JDP2: variants seen among roughly 807,000 people sequenced by gnomAD.
JDP2 encodes progesterone receptor co-activator.
Under a neutral mutation model 17.1 loss-of-function variants are expected in JDP2, and 9 were observed. The observed-to-expected ratio is 0.53, with a 90% CI of 0.32 to 0.92. The LOEUF is 0.92. JDP2 is among the 40% of genes least tolerant of loss of function. The pLI is 0.04. For synonymous variants in JDP2, 107 were observed against 95.6 expected (o/e 1.12, Z -0.69); for missense variants, 179 against 220.0 (o/e 0.81, Z 1.18).
At chr14:75,450,894 A>AG (rs1252293389) in intron 2 of JDP2, among the ~76,000 whole-genome samples, 1 of 152,216 alleles carries the variant, frequency 6.6e-6, no homozygotes, top group Non-Finnish European at 1.5e-5. Context: ...CTCAGAGCAG[A>AG]GGGACACCTC....
chr14:75,459,020 A>G (rs953660094), intron 2 of JDP2, among the ~76,000 whole-genome samples: 2 of 152,236 alleles, frequency 1.3e-5, no homozygotes, highest in Non-Finnish European at 1.5e-5. Context: ...ATTGCTGCTA[A>G]AGCAGCTTCT....
intron 3 of JDP2, among the ~76,000 whole-genome samples, chr14:75,462,340 TATA>T (rs1268557380): frequency 6.6e-6 from 1 of 152,160 alleles, no homozygotes; most frequent in Non-Finnish European, 1.5e-5. Context: ...AACGATAATG[TATA>T]ATAATAACAT....
intron 2 of JDP2, among the ~76,000 whole-genome samples, chr14:75,453,895 CT>C (rs1339849446): frequency 6.6e-6 from 1 of 152,162 alleles, no homozygotes; most frequent in Non-Finnish European, 1.5e-5. Context: ...TTTGGTTTTT[CT>C]TTTGTGTCCA....
At chr14:75,454,917 G>A (rs546562361) in intron 2 of JDP2, among the ~76,000 whole-genome samples, 88 of 152,222 alleles carry the variant, frequency 5.8e-4, no homozygotes, top group Admixed American at 4.4e-3. Context: ...AGGGTTGCAA[G>A]CAGAGGAGCT....
intron 2 of JDP2, among the ~76,000 whole-genome samples, chr14:75,441,604 A>G (rs978758444): frequency 1.3e-5 from 2 of 152,248 alleles, no homozygotes; most frequent in African/African-American, 4.8e-5. Flanking sequence ...AAGAAAAATT[A>G]AGCAGACCAA....
Position 75,438,021 on chromosome 14 carries a change from A to G in JDP2, c.101A>G (p.Glu34Gly). Residue 34 changes from glutamate (E) to glycine (G), a missense_variant, in exon 2 of 4, where the codon GAG becomes GGG. By Grantham distance (98) the Glu-to-Gly change is moderately conservative. Coordinates refer to ENST00000651602, the MANE Select transcript of JDP2 (RefSeq NM_001135048.2). ...CCCAGCTCGGCCCTGACTGTGGAGG[A>G]GCTGAAATACGCTGACATCCGCAAC... ...GLPSSALTVEELKYADIRNLG... is the reference protein window; with the variant it reads ...GLPSSALTVEGLKYADIRNLG... 6.2e-7 allele frequency: 1 copy of G among 1,613,888 alleles called. No homozygotes were observed. The highest frequency in any genetic ancestry group is 8.5e-7 in the Non-Finnish European group (1 of 1,179,968).
chr14:75,458,901 AGG>A (rs1886227682), intron 2 of JDP2, among the ~76,000 whole-genome samples: 1 of 152,212 alleles, frequency 6.6e-6, no homozygotes, highest in Non-Finnish European at 1.5e-5. Flanking sequence ...AGGGTGATGC[AGG>A]AGGGGATGAA....
chr14:75,472,519 A>T lies in JDP2; in HGVS notation c.*3044A>T, dbSNP rs1378229849. 6.6e-6 allele frequency: 1 copy of T among 152,226 alleles called. No individual in the cohort carries two copies. The highest frequency in any genetic ancestry group is 1.5e-5 in the Non-Finnish European group (1 of 68,040). 9.4% of individuals were successfully genotyped at this position (152,226 alleles called of 1,614,324 possible). A position where few individuals can be genotyped will look rare whatever the true frequency, so the allele number is the denominator to read the frequency against. ...AACCATCTCCAAGGGTGTTCACAGA[A>T]GACACACCTTAAAGGCAAACGGGTT... On this transcript the variant is annotated 3_prime_UTR_variant, in exon 4 of 4. Coordinates refer to ENST00000651602, the MANE Select transcript of JDP2 (RefSeq NM_001135048.2).
At chr14:75,445,617 G>A (rs1885561616) in intron 2 of JDP2, 1 of 983,398 alleles carries the variant, frequency 1.0e-6, no homozygotes, top group African/African-American at 1.7e-5. Context: ...TGTAAAAATA[G>A]GGGAAATAGA....
At chr14:75,441,174 C>T (rs1310320429) in intron 2 of JDP2, among the ~76,000 whole-genome samples, 2 of 152,006 alleles carry the variant, frequency 1.3e-5, no homozygotes, top group Non-Finnish European at 2.9e-5. Flanking sequence ...CCGGCTGAGC[C>T]GCTGTGCGGG....
At chr14:75,449,697 A>G (rs1372305841) in intron 2 of JDP2, among the ~76,000 whole-genome samples, 2 of 152,384 alleles carry the variant, frequency 1.3e-5, no homozygotes, top group East Asian at 3.9e-4. Context: ...GACATATTTC[A>G]GCAAAAGACA....
chr14:75,451,979 C>A (rs913066766), intron 2 of JDP2, among the ~76,000 whole-genome samples: 1 of 152,214 alleles, frequency 6.6e-6, no homozygotes, highest in Non-Finnish European at 1.5e-5. Flanking sequence ...AGTGCAGTGG[C>A]ACAATCATGG....
Position 75,428,642 on chromosome 14 carries a change from G to A in JDP2, c.-24+390G>A. On this transcript the variant is annotated intron_variant, in intron 1 of 3. Coordinates refer to ENST00000651602, the MANE Select transcript of JDP2 (RefSeq NM_001135048.2). This position sits in a 1 kb window ranked among gnomAD's most constrained non-coding sequence, Gnocchi z 5.6. ...AGAAAAGTGCCCGCGGAGATGGGCT[G>A]TGCGGGTGGAGGTGGAGGGTGAAGG... 1 of 152,588 alleles carries A rather than the reference G, an allele frequency of 6.6e-6. No homozygotes were observed. Among genetic ancestry groups the A allele is most frequent in the Non-Finnish European group, 1.5e-5 (1 of 68,248 alleles). 9.5% of individuals were successfully genotyped at this position (152,588 alleles called of 1,614,324 possible). A position where few individuals can be genotyped will look rare whatever the true frequency, so the allele number is the denominator to read the frequency against.
chr14:75,455,928 C>A (rs914238452), intron 2 of JDP2, among the ~76,000 whole-genome samples: 3 of 152,198 alleles, frequency 2.0e-5, no homozygotes, highest in Non-Finnish European at 4.4e-5. Flanking sequence ...TGCTTAAGGG[C>A]CCTTCCGCAT....
chr14:75,430,829 G>A lies in JDP2; in HGVS notation c.-24+2577G>A, dbSNP rs1347463780. On this transcript the variant is annotated intron_variant, in intron 1 of 3. Transcript: ENST00000651602. This position sits in a 1 kb window ranked among gnomAD's most constrained non-coding sequence, Gnocchi z 4.5. ...GCGTTCTTGTGTGTGTGTGTGGTTTGGCCTCTCGGAACTCAGCAGAGACAA... is the reference window on the plus strand; with the variant it reads ...GCGTTCTTGTGTGTGTGTGTGGTTTAGCCTCTCGGAACTCAGCAGAGACAA... 1.3e-5 allele frequency among the ~76,000 whole-genome samples: 2 copies of A among 152,038 alleles called. No homozygotes were observed. The highest frequency in any genetic ancestry group is 4.8e-5 in the African/African-American group (2 of 41,376).
chr14:75,453,476 C>T lies in JDP2; in HGVS notation c.202-7950C>T, dbSNP rs181500072. On this transcript the variant is annotated intron_variant, in intron 2 of 3. Coordinates refer to ENST00000651602, the MANE Select transcript of JDP2 (RefSeq NM_001135048.2). ...ACTCCTTTCTGTGCCGCATTCTGCC[C>T]GGAGGCAGGCCAGTGTGCCGCTGCT... Among the ~76,000 whole-genome samples, 485 of 152,340 alleles carry T rather than the reference C, an allele frequency of 3.2e-3. 3 individuals carry two copies. The highest frequency in any genetic ancestry group is 9.7e-3 in the African/African-American group (404 of 41,572).
rs1400560359 is a variant in JDP2 at position 75,430,481 on chromosome 14, T to C, written c.-24+2229T>C. 6.6e-6 allele frequency among the ~76,000 whole-genome samples: 1 copy of C among 150,462 alleles called. No homozygotes were observed. Among genetic ancestry groups the C allele is most frequent in the African/African-American group, 2.5e-5 (1 of 39,804 alleles). On this transcript the variant is annotated intron_variant, in intron 1 of 3. Coordinates refer to ENST00000651602, the MANE Select transcript of JDP2 (RefSeq NM_001135048.2). This position sits in a 1 kb window ranked among gnomAD's most constrained non-coding sequence, Gnocchi z 4.5. ...GGAAGAGAAAAATGGAGTGAGTGTA[T>C]ATGGGTATGTGTGTGTGCATACCTA...
At chr14:75,432,564 A>C (rs1884857646) in intron 1 of JDP2, among the ~76,000 whole-genome samples, 1 of 151,578 alleles carries the variant, frequency 6.6e-6, no homozygotes, top group Non-Finnish European at 1.5e-5. Context: ...TTGGCTTGTC[A>C]CTCTCACCTC....
intron 2 of JDP2, among the ~76,000 whole-genome samples, chr14:75,440,162 C>A (rs1885271094): frequency 6.6e-6 from 1 of 152,216 alleles, no homozygotes; most frequent in South Asian, 2.1e-4. Context: ...CAGACGTGCA[C>A]CATCCAGGCC....
Sources: gnomAD v4.1 joint callset for allele counts (sites outside exome capture counted in the v4.1 genomes callset) on GRCh38, gnomAD v4.1.1 for gene constraint, Gnocchi (gnomAD v3.1) non-coding constraint, MANE v1.5 for transcripts, NCBI Gene and HGNC (gene_info 2026-07-23, HGNC 2026-07-21) for gene names.